Variants in PHYKPL observed in about 807,000 individuals in gnomAD.
The protein encoded by PHYKPL is 5-phosphonooxy-L-lysine phospho-lyase.
A neutral mutation model predicts 51.3 loss-of-function variants in PHYKPL; 42 were observed. The observed-to-expected ratio is 0.82, with a 90% CI of 0.64 to 1.06. PHYKPL has a LOEUF of 1.06. Ranked by LOEUF, PHYKPL falls within the 50% of genes least tolerant of loss-of-function variation. PHYKPL has a pLI of 0.00. For missense variants in PHYKPL, 655 were observed against 586.6 expected (o/e 1.12, Z -1.20); for synonymous variants, 264 against 236.0 (o/e 1.12, Z -1.09).
intron 8 of PHYKPL, among the ~76,000 whole-genome samples, chr5:178,217,520 G>C (rs888740233): frequency 2.0e-5 from 3 of 150,498 alleles, no homozygotes; most frequent in Non-Finnish European, 4.4e-5. Flanking sequence ...ACTGCACCTG[G>C]CAACAGCAGA....
At chr5:178,229,103 A>ATTT (rs55725801) in intron 3 of PHYKPL, among the ~76,000 whole-genome samples, 3 of 118,290 alleles carry the variant, frequency 2.5e-5, no homozygotes, top group Non-Finnish European at 5.2e-5. Flanking sequence ...TGATGAGACT[A>ATTT]TTTTTTTTTT....
chr5:178,228,319 C>CCCA, intron 3 of PHYKPL: 1 of 560,072 alleles, frequency 1.8e-6, no homozygotes, highest in Non-Finnish European at 3.2e-6. Flanking sequence ...GAGCACAGTG[C>CCCA]CCGGGAAGCA....
chr5:178,232,109 C>A, intron 1 of PHYKPL: 1 of 1,193,040 alleles, frequency 8.4e-7, no homozygotes, highest in South Asian at 1.7e-5. Flanking sequence ...ACTCTCGAGC[C>A]AGGCCCAGGT....
At chr5:178,219,805 T>C (rs1377645638) in intron 8 of PHYKPL, among the ~76,000 whole-genome samples, 1 of 152,038 alleles carries the variant, frequency 6.6e-6, no homozygotes, top group Non-Finnish European at 1.5e-5. Flanking sequence ...TATGAAGAGA[T>C]ACTTCACGTA....
intron 12 of PHYKPL, chr5:178,209,490 A>G: frequency 6.5e-7 from 1 of 1,536,472 alleles, no homozygotes; most frequent in South Asian, 1.1e-5. Context: ...TTCCCTGCCT[A>G]CATGGAGCCT....
intron 6 of PHYKPL, chr5:178,223,684 G>C (rs1187521632): frequency 1.6e-4 from 56 of 345,204 alleles, no homozygotes; most frequent in Non-Finnish European, 5.2e-5. Flanking sequence ...GGCCCCACAG[G>C]CTGCCTTTCT....
At chr5:178,229,710 C>T (rs1265054087) in intron 3 of PHYKPL, 7 of 481,210 alleles carry the variant, frequency 1.5e-5, no homozygotes, top group African/African-American at 1.2e-4. Context: ...CACTAAGCTC[C>T]AGCAATGATC....
At chr5:178,230,339 G>C in intron 2 of PHYKPL, 1 of 506,742 alleles carries the variant, frequency 2.0e-6, no homozygotes, top group South Asian at 2.5e-5. Context: ...TGTCTAGAAA[G>C]CCCATGTCTT....
chr5:178,232,429 G>A (rs966072088), intron 1 of PHYKPL, 63 bp downstream of exon 1: 1 of 1,371,372 alleles, frequency 7.3e-7, no homozygotes. Context: ...TGCGTGCGTC[G>A]TGCGTGCGCG....
intron 8 of PHYKPL, among the ~76,000 whole-genome samples, chr5:178,217,251 C>T (rs7718055): frequency 0.094 from 13,696 of 145,730 alleles, 2,006 homozygotes; most frequent in African/African-American, 0.32. Context: ...TTGAGACAGT[C>T]TCGCTGTCAC....
intron 1 of PHYKPL, chr5:178,231,881 G>C (rs1271940808): frequency 7.5e-7 from 1 of 1,326,416 alleles, no homozygotes; most frequent in Middle Eastern, 2.6e-4. Context: ...GATGGGATGG[G>C]CCAGGGCACC....
At position 178,229,732 on chromosome 5, in the gene PHYKPL, G is replaced by A. The variant is rs571357182; in HGVS notation, c.338+208C>T. On this transcript the variant is annotated intron_variant, in intron 3 of 12. Transcript: ENST00000308158. ...CTCCAGCAATGATCCTAGAAAGGAG[G>A]TAATAACATCCTTCAATAAGAGACA... 2.0e-4 allele frequency: 111 copies of A among 541,830 alleles called. 1 individual carries two copies. The highest frequency in any genetic ancestry group is 1.8e-3 in the African/African-American group (96 of 53,032). 33.6% of individuals were successfully genotyped at this position (541,830 alleles called of 1,614,324 possible). A position where few individuals can be genotyped will look rare whatever the true frequency, so the allele number is the denominator to read the frequency against.
At chr5:178,221,884 A>G (rs1484466555) in intron 8 of PHYKPL, among the ~76,000 whole-genome samples, 1 of 152,172 alleles carries the variant, frequency 6.6e-6, no homozygotes, top group African/African-American at 2.4e-5. Flanking sequence ...CTACCCTGCA[A>G]CTGCTGCCTC....
intron 8 of PHYKPL, among the ~76,000 whole-genome samples, chr5:178,219,227 T>C (rs576773870): frequency 1.1e-4 from 15 of 140,560 alleles, no homozygotes; most frequent in Admixed American, 8.5e-4. Flanking sequence ...TTTAAAACTT[T>C]ATAAATATGT....
chr5:178,231,488 A>G lies in PHYKPL; in HGVS notation c.95T>C (p.Val32Ala). The G allele has an allele frequency of 1.2e-6, 2 of 1,614,118 alleles. No individual in the cohort carries two copies. Among genetic ancestry groups the G allele is most frequent in the Non-Finnish European group, 1.7e-6 (2 of 1,180,016 alleles). The change falls in exon 2 of 13, where the codon GTT becomes GCT. Residue 32 changes from valine (V) to alanine (A), a missense_variant. Val to Ala is a moderately conservative substitution (Grantham distance 64, BLOSUM62 0). Coordinates refer to ENST00000308158, the MANE Select transcript of PHYKPL (RefSeq NM_153373.4). ...SCRLFFPEDP[V>A]KIVRAQGQYM... ...CTGCCCTTGGGCCCGGACAATCTTA[A>G]CAGGATCCTCGGGAAAAAAGAGTCT...
At chr5:178,209,481 T>C in intron 12 of PHYKPL, 1 of 1,572,484 alleles carries the variant, frequency 6.4e-7, no homozygotes. Flanking sequence ...AGGTCCTGTT[T>C]CCCTGCCTAC....
At chr5:178,231,355 A>G in intron 2 of PHYKPL, 50 bp downstream of exon 2, 1 of 1,613,270 alleles carries the variant, frequency 6.2e-7, no homozygotes, top group Non-Finnish European at 8.5e-7. Flanking sequence ...GACCAGGTTC[A>G]CAGCACTGCC....
intron 1 of PHYKPL, chr5:178,231,998 C>T (rs1763555604): frequency 1.7e-6 from 2 of 1,203,606 alleles, no homozygotes; most frequent in South Asian, 3.0e-5. Context: ...GGCGACCTCA[C>T]CCACCGTCCC....
At chr5:178,229,789 G>T in intron 3 of PHYKPL, 151 bp downstream of exon 3, 1 of 883,208 alleles carries the variant, frequency 1.1e-6, no homozygotes, top group Non-Finnish European at 1.7e-6. Flanking sequence ...AAAGCATCAG[G>T]GCCTACAGCC....
Sources: allele counts gnomAD v4.1 joint callset (sites outside exome capture counted in the v4.1 genomes callset), GRCh38; gene constraint gnomAD v4.1.1; transcripts MANE v1.5; gene names NCBI Gene and HGNC (gene_info 2026-07-23, HGNC 2026-07-21).